TKTL1: variants seen among roughly 807,000 people sequenced by gnomAD.
TKTL1 encodes the protein transketolase-like protein 1.
Under a neutral mutation model 39.3 loss-of-function variants are expected in TKTL1, and 1 was observed. The ratio of observed to expected loss-of-function variants is 0.03; its 90% CI spans 0.01 to 0.12. The LOEUF is 0.12. Among genes scored for constraint, TKTL1 ranks in the 10% least tolerant of loss-of-function variants. The pLI is 1.00. For synonymous variants in TKTL1, 262 were observed against 193.8 expected (o/e 1.35, Z -2.92); for missense variants, 575 against 509.6 (o/e 1.13, Z -1.24).
intron 12 of TKTL1, 23 bp from the exon 13 acceptor site, chrX:154,329,493 G>A (rs1557172702): frequency 8.3e-7 from 1 of 1,205,768 alleles, no homozygotes; most frequent in East Asian, 3.0e-5. Flanking sequence ...TCACAAAAGG[G>A]CCTAACATCC....
intron 1 of TKTL1, among the ~76,000 whole-genome samples, chrX:154,301,465 C>T (rs1292414221): frequency 2.7e-5 from 3 of 111,574 alleles, no homozygotes; most frequent in Admixed American, 1.9e-4. Flanking sequence ...TGCAGTGAGC[C>T]GAGAGAGTGC....
Position 154,315,193 on chromosome X carries a change from C to T in TKTL1, c.885C>T (p.Cys295=), listed in dbSNP as rs781785675. 14 of 1,208,366 alleles carry T rather than the reference C, an allele frequency of 1.2e-5. No homozygotes were observed. The highest frequency in any genetic ancestry group is 2.3e-4 in the Middle Eastern group (1 of 4,362). Residue 295 remains cysteine (C), a synonymous_variant, in exon 7 of 13, where the codon TGC becomes TGT. Coordinates refer to ENST00000369915, the MANE Select transcript of TKTL1 (RefSeq NM_012253.4). ...TCTAGATAGCTACTCGGAAAGCATG[C>T]GGTCTGGCTCTGGCTAAGCTGGGCT... The part of the protein sequence containing the change: ...VGDKIATRKA[C]GLALAKLGYA...
In TKTL1 at chrX:154,312,754, A is replaced by G. The variant is rs782123856; in HGVS notation, c.845A>G (p.Asp282Gly). Reference sequence around the variant, plus strand: ...GATGTAAGGATGACCTCTCCACCTGATTACAGAGTTGGTGACAAGGTAGGC... The same window carrying G: ...GATGTAAGGATGACCTCTCCACCTGGTTACAGAGTTGGTGACAAGGTAGGC... ...ITDVRMTSPPDYRVGDKIATR... is the reference protein window; with the variant it reads ...ITDVRMTSPPGYRVGDKIATR... The change falls in exon 6 of 13, where the codon GAT (aspartate) becomes GGT (glycine). Residue 282 changes from aspartate (D) to glycine (G), a missense_variant. Transcript: ENST00000369915. 4.2e-5 allele frequency: 50 copies of G among 1,201,986 alleles called. No individual in the cohort carries two copies. In the South Asian group the frequency reaches 5.2e-4, roughly 13 times the overall value.
At chrX:154,303,503 T>G (rs187028599) in intron 1 of TKTL1, among the ~76,000 whole-genome samples, 111 of 101,108 alleles carry the variant, frequency 1.1e-3, no homozygotes, top group African/African-American at 3.7e-3. Context: ...AGAGCCGGGA[T>G]TACAGGTGTG....
At chrX:154,298,050 T>C (rs1178503331) in intron 1 of TKTL1, among the ~76,000 whole-genome samples, 1 of 112,053 alleles carries the variant, frequency 8.9e-6, no homozygotes, top group African/African-American at 3.2e-5. Context: ...GTTGTAGGTC[T>C]ATTCAGATTT....
intron 1 of TKTL1, among the ~76,000 whole-genome samples, chrX:154,304,274 G>C (rs1419894064): frequency 9.0e-6 from 1 of 111,280 alleles, no homozygotes; most frequent in Non-Finnish European, 1.9e-5. Context: ...AGGACAGTGA[G>C]TGTGAACGAG....
intron 5 of TKTL1, among the ~76,000 whole-genome samples, chrX:154,311,643 G>T (rs2067358529): frequency 9.0e-6 from 1 of 111,548 alleles, no homozygotes; most frequent in Non-Finnish European, 1.9e-5. Context: ...TGGGGAAGAC[G>T]GGAGCTTGGA....
chrX:154,325,689 G>A (rs938335658), intron 10 of TKTL1, among the ~76,000 whole-genome samples: 3 of 112,503 alleles, frequency 2.7e-5, no homozygotes, highest in Non-Finnish European at 5.6e-5. Flanking sequence ...TTGAGCGGTC[G>A]TGGCTATAAT....
chrX:154,304,254 G>A (rs1375939591), intron 1 of TKTL1, among the ~76,000 whole-genome samples: 1 of 111,327 alleles, frequency 9.0e-6, no homozygotes, highest in Non-Finnish European at 1.9e-5. Flanking sequence ...GCAATGCAGG[G>A]AAGATGTCCA....
chrX:154,305,065 C>T (rs1557166917), intron 1 of TKTL1: 9 of 1,125,435 alleles, frequency 8.0e-6, no homozygotes, highest in Non-Finnish European at 9.5e-6. Context: ...GGAAACTTGC[C>T]CCGAGTCCAC....
At chrX:154,316,559 A>G (rs2067401792) in intron 7 of TKTL1, among the ~76,000 whole-genome samples, 1 of 110,562 alleles carries the variant, frequency 9.0e-6, no homozygotes, top group Non-Finnish European at 1.9e-5. Flanking sequence ...TCAAAAAAGA[A>G]AAAGAATCAG....
intron 8 of TKTL1, among the ~76,000 whole-genome samples, chrX:154,322,611 TG>T (rs782133157): frequency 1.8e-5 from 2 of 111,545 alleles, no homozygotes; most frequent in African/African-American, 6.5e-5. Context: ...GCAGTGTGCA[TG>T]GTGACAATCC....
At chrX:154,311,838 C>G (rs1220834664) in intron 5 of TKTL1, among the ~76,000 whole-genome samples, 1 of 111,361 alleles carries the variant, frequency 9.0e-6, no homozygotes, top group Non-Finnish European at 1.9e-5. Context: ...AATTATTTTA[C>G]CAGTGTGCTC....
At chrX:154,320,309 T>C (rs1218521902) in intron 7 of TKTL1, 1 of 129,127 alleles carries the variant, frequency 7.7e-6, no homozygotes, top group African/African-American at 3.2e-5. Context: ...AACACAGATG[T>C]AAAAGCAGGA....
intron 3 of TKTL1, among the ~76,000 whole-genome samples, chrX:154,310,626 A>G (rs782035035): frequency 1.9e-3 from 216 of 112,436 alleles, no homozygotes; most frequent in Non-Finnish European, 2.6e-3. Context: ...AAAACTAGCC[A>G]GAGGTAAAGC....
intron 7 of TKTL1, among the ~76,000 whole-genome samples, chrX:154,318,077 A>G (rs1557169736): frequency 9.1e-6 from 1 of 110,109 alleles, no homozygotes; most frequent in South Asian, 3.8e-4. Context: ...TTTTATTTTT[A>G]TTTTTTGTAG....
intron 7 of TKTL1, among the ~76,000 whole-genome samples, chrX:154,318,186 G>A (rs1162488685): frequency 9.0e-6 from 1 of 110,834 alleles, no homozygotes; most frequent in African/African-American, 3.3e-5. Context: ...CTCTGGCCTC[G>A]GCCTCTTGAG....
intron 6 of TKTL1, among the ~76,000 whole-genome samples, chrX:154,313,559 C>G (rs2067374463): frequency 9.0e-6 from 1 of 111,601 alleles, no homozygotes; most frequent in Non-Finnish European, 1.9e-5. Context: ...TTTTCTTAGC[C>G]TGGTAATGAG....
At chrX:154,323,174 GCTC>G in intron 8 of TKTL1, 30 bp from the exon 9 acceptor site, 1 of 1,206,531 alleles carries the variant, frequency 8.3e-7, no homozygotes, top group Non-Finnish European at 1.1e-6. Flanking sequence ...ATGGGGTTAT[GCTC>G]CTGTTTTCAT....
Sources: allele counts gnomAD v4.1 joint callset (sites outside exome capture counted in the v4.1 genomes callset), GRCh38; gene constraint gnomAD v4.1.1; transcripts MANE v1.5; gene names NCBI Gene and HGNC (gene_info 2026-07-23, HGNC 2026-07-21).